Variants in DACH2 observed in about 807,000 individuals in gnomAD.
DACH2 encodes the protein dachshund family transcription factor 2, also known as dachshund homolog 2.
DACH2 carries 17 observed loss-of-function variants against 35.8 expected under a neutral mutation model. That is an observed-to-expected ratio of 0.48 (90% CI 0.33 to 0.71). The LOEUF (loss-of-function observed/expected upper bound fraction) is 0.71. Ranked by LOEUF, DACH2 falls within the 30% of genes least tolerant of loss-of-function variation. DACH2 has a pLI of 0.02. For missense variants in DACH2, 469 were observed against 472.7 expected, an observed-to-expected ratio of 0.99 and a Z score of 0.07; for synonymous variants, 195 against 177.3, an observed-to-expected ratio of 1.10 and a Z score of -0.79.
intron 2 of DACH2, among the ~76,000 whole-genome samples, chrX:86,496,769 T>C (rs1181021893): frequency 9.1e-6 from 1 of 110,208 alleles, no homozygotes; most frequent in East Asian, 2.9e-4. Context: ...AAGCAGAACC[T>C]AAATGGCTTG....
intron 7 of DACH2, among the ~76,000 whole-genome samples, chrX:86,751,619 A>G (rs958142200): frequency 9.0e-6 from 1 of 111,460 alleles, no homozygotes; most frequent in Non-Finnish European, 1.9e-5. Flanking sequence ...CTAAATTGAC[A>G]TGTGTTTTGT....
intron 4 of DACH2, among the ~76,000 whole-genome samples, chrX:86,656,059 C>A (rs1003530082): frequency 1.1e-5 from 1 of 94,648 alleles, no homozygotes; most frequent in East Asian, 3.4e-4. Context: ...TACATAATGG[C>A]CTCGGTGATT....
chrX:86,388,533 G>A (rs1426538148), intron 2 of DACH2, among the ~76,000 whole-genome samples: 1 of 111,398 alleles, frequency 9.0e-6, no homozygotes, highest in African/African-American at 3.3e-5. Flanking sequence ...ATCAACTGGA[G>A]CATGTTTATT....
At chrX:86,303,364 C>T (rs1476111545) in intron 1 of DACH2, among the ~76,000 whole-genome samples, 1 of 109,945 alleles carries the variant, frequency 9.1e-6, no homozygotes, top group Admixed American at 9.9e-5. Context: ...CAGAGCTTTC[C>T]GTTTCCATTT....
At chrX:86,244,970 G>C (rs1172358938) in intron 1 of DACH2, among the ~76,000 whole-genome samples, 1 of 111,508 alleles carries the variant, frequency 9.0e-6, no homozygotes, top group Non-Finnish European at 1.9e-5. Context: ...TAGATATGCA[G>C]TCTTTATTAT....
chrX:86,468,912 T>C (rs778211994), intron 2 of DACH2, among the ~76,000 whole-genome samples: 5 of 111,710 alleles, frequency 4.5e-5, no homozygotes, highest in Admixed American at 9.6e-5. Context: ...CCCAAGTTCA[T>C]TGTAGCATTA....
chrX:86,283,470 A>ATTGGC (rs1375167256), intron 1 of DACH2, among the ~76,000 whole-genome samples: 35 of 111,566 alleles, frequency 3.1e-4, no homozygotes, highest in African/African-American at 1.1e-3. Context: ...AAAGACTCAG[A>ATTGGC]ACCAACCCAA....
At chrX:86,433,975 A>T (rs1308367638) in intron 2 of DACH2, among the ~76,000 whole-genome samples, 6 of 111,769 alleles carry the variant, frequency 5.4e-5, no homozygotes, top group African/African-American at 2.0e-4. Flanking sequence ...ACAGAAGGTA[A>T]TCTACAGCAT....
At chrX:86,633,872 C>T (rs923974590) in intron 3 of DACH2, among the ~76,000 whole-genome samples, 1 of 111,910 alleles carries the variant, frequency 8.9e-6, no homozygotes, top group Non-Finnish European at 1.9e-5. Context: ...AAAACAAAAA[C>T]AACATGACCA....
At chrX:86,195,906 A>C (rs1311535810) in intron 1 of DACH2, among the ~76,000 whole-genome samples, 1 of 111,742 alleles carries the variant, frequency 8.9e-6, no homozygotes, top group African/African-American at 3.3e-5. Flanking sequence ...CCTCAAGGCA[A>C]TCAAATAGGA....
In DACH2 at chrX:86,832,370, A is replaced by C. The variant is rs2042621737; in HGVS notation, c.*215A>C. 2.8e-6 allele frequency: 1 copy of C among 356,430 alleles called. No homozygotes were observed. Among genetic ancestry groups the C allele is most frequent in the Non-Finnish European group, 4.8e-6 (1 of 208,321 alleles). 29.4% of individuals were successfully genotyped at this position (356,430 alleles called of 1,213,427 possible). On this transcript the variant is annotated 3_prime_UTR_variant, in exon 12 of 12. Transcript: ENST00000373125. ...TTGCATTAGACTGACCAGTTTAAAA[A>C]TATGAACTAAAACCTAATGGCTAAA...
intron 1 of DACH2, among the ~76,000 whole-genome samples, chrX:86,253,943 A>G (rs1007024018): frequency 1.9e-4 from 21 of 112,025 alleles, no homozygotes; most frequent in South Asian, 3.6e-4. Flanking sequence ...TAAGCTTCTA[A>G]TATTTATAGA....
intron 1 of DACH2, among the ~76,000 whole-genome samples, chrX:86,336,915 A>T (rs1465519615): frequency 5.5e-5 from 6 of 108,749 alleles, no homozygotes; most frequent in African/African-American, 2.0e-4. Flanking sequence ...ACAGCATGAG[A>T]ACTTTGTGAA....
At chrX:86,442,284 C>T (rs1353670818) in intron 2 of DACH2, among the ~76,000 whole-genome samples, 2 of 97,402 alleles carry the variant, frequency 2.1e-5, no homozygotes, top group Non-Finnish European at 4.1e-5. Context: ...TTTTACCTGC[C>T]TGTTGGCCAT....
At chrX:86,201,843 T>C (rs1297399977) in intron 1 of DACH2, among the ~76,000 whole-genome samples, 1 of 110,781 alleles carries the variant, frequency 9.0e-6, no homozygotes, top group African/African-American at 3.3e-5. Flanking sequence ...TTCCTTCTAG[T>C]AAGAGTCAAG....
intron 3 of DACH2, among the ~76,000 whole-genome samples, chrX:86,618,016 C>G (rs980761867): frequency 7.1e-5 from 8 of 112,111 alleles, no homozygotes; most frequent in African/African-American, 2.6e-4. Flanking sequence ...TGGCTTGTGC[C>G]TGTAATCCTG....
intron 1 of DACH2, among the ~76,000 whole-genome samples, chrX:86,192,385 T>C (rs756150158): frequency 8.9e-6 from 1 of 112,307 alleles, no homozygotes; most frequent in Admixed American, 9.5e-5. Flanking sequence ...ATAATTAATT[T>C]TCTATTAAAT....
At chrX:86,682,684 C>T (rs2040894063) in intron 4 of DACH2, among the ~76,000 whole-genome samples, 1 of 111,453 alleles carries the variant, frequency 9.0e-6, no homozygotes, top group Non-Finnish European at 1.9e-5. Context: ...AATTCATAAG[C>T]CCCAGTGTAA....
chrX:86,403,205 G>A (rs2036465437), intron 2 of DACH2, among the ~76,000 whole-genome samples: 1 of 112,249 alleles, frequency 8.9e-6, no homozygotes, highest in South Asian at 3.6e-4. Flanking sequence ...AAACTAAAGA[G>A]CTTCTGCACA....
Sources: allele counts gnomAD v4.1 joint callset (sites outside exome capture counted in the v4.1 genomes callset), GRCh38; gene constraint gnomAD v4.1.1; transcripts MANE v1.5; gene names NCBI Gene and HGNC (gene_info 2026-07-23, HGNC 2026-07-21).